The following RAPGEF4 variants were observed in gnomAD, a reference collection of about 807,000 sequenced individuals.
The protein encoded by RAPGEF4 is Rap guanine nucleotide exchange factor 4.
Under a neutral mutation model 147.9 loss-of-function variants are expected in RAPGEF4, and 66 were observed. The ratio of observed to expected loss-of-function variants is 0.45; its 90% CI spans 0.37 to 0.55. The LOEUF (loss-of-function observed/expected upper bound fraction) is 0.55, where lower values mean the gene tolerates loss of function less well. Among genes scored for constraint, RAPGEF4 ranks in the 20% least tolerant of loss-of-function variants. RAPGEF4 has a pLI of 0.00. For missense variants in RAPGEF4, 1,071 were observed against 1,257.3 expected, an observed-to-expected ratio of 0.85 and a Z score of 2.24; for synonymous variants, 419 against 442.7, an observed-to-expected ratio of 0.95 and a Z score of 0.67.
At chr2:172,886,856 T>C (rs1356181931) in intron 4 of RAPGEF4, among the ~76,000 whole-genome samples, 1 of 152,196 alleles carries the variant, frequency 6.6e-6, no homozygotes. Context: ...AGATTCTCAC[T>C]TCCACTTTTA....
At chr2:172,737,958 G>T (rs1461087499) in intron 1 of RAPGEF4, among the ~76,000 whole-genome samples, 1 of 152,154 alleles carries the variant, frequency 6.6e-6, no homozygotes, top group Admixed American at 6.5e-5. Flanking sequence ...TTTGTTTTGT[G>T]GTATTAAAAG....
chr2:172,863,321 A>G (rs1694238459), intron 4 of RAPGEF4, among the ~76,000 whole-genome samples: 1 of 152,192 alleles, frequency 6.6e-6, no homozygotes, highest in Non-Finnish European at 1.5e-5. Flanking sequence ...TCAATGATAA[A>G]CCAATAATAT....
intron 6 of RAPGEF4, among the ~76,000 whole-genome samples, chr2:172,939,936 G>A (rs1172211849): frequency 6.6e-6 from 1 of 152,112 alleles, no homozygotes; most frequent in Non-Finnish European, 1.5e-5. Context: ...AGTTGACTAT[G>A]TTTATGTGGG....
In RAPGEF4 at chr2:172,946,483, T is replaced by C. The variant is rs1687688267; in HGVS notation, c.538-14277T>C. Among the ~76,000 whole-genome samples the C allele has an allele frequency of 2.0e-5, 3 of 152,330 alleles. No homozygotes were observed. In the South Asian group the frequency reaches 6.2e-4, roughly 32 times the overall value. On this transcript the variant is annotated intron_variant, in intron 6 of 30. Coordinates refer to ENST00000397081, the MANE Select transcript of RAPGEF4 (RefSeq NM_007023.4). ...AATGGTGAATTTTTATCATCACATA[T>C]ACTGTCTTCCTACACTTTCTCTCAC...
At chr2:172,958,755 A>C (rs193288832) in intron 6 of RAPGEF4, among the ~76,000 whole-genome samples, 2 of 152,238 alleles carry the variant, frequency 1.3e-5, no homozygotes, top group African/African-American at 2.4e-5. Context: ...GAGGTGATGA[A>C]AATGTTTAAA....
intron 3 of RAPGEF4, among the ~76,000 whole-genome samples, chr2:172,803,409 C>T (rs1295875788): frequency 4.6e-5 from 7 of 152,172 alleles, no homozygotes; most frequent in Non-Finnish European, 8.8e-5. Context: ...AGCCATGGCC[C>T]GAGCTGTACC....
intron 1 of RAPGEF4, among the ~76,000 whole-genome samples, chr2:172,786,491 A>T (rs1685212833): frequency 6.6e-6 from 1 of 152,176 alleles, no homozygotes; most frequent in Non-Finnish European, 1.5e-5. Context: ...TCATGAAAGG[A>T]TGTGTTCGGT....
At position 172,939,585 on chromosome 2, in the gene RAPGEF4, T is replaced by C. The variant is rs141003541; in HGVS notation, c.537+17285T>C. ...GTCCAGTCTGTGGTTTTGCTTTTCA[T>C]CTTAACAGTGTCCTTAGTAGAGAAG... On this transcript the variant is annotated intron_variant, in intron 6 of 30. Transcript: ENST00000397081. Among the ~76,000 whole-genome samples the C allele has an allele frequency of 1.7e-4, 26 of 152,314 alleles. No homozygotes were observed. The East Asian group carries it at 4.4e-3, about 26-fold the overall frequency.
At chr2:173,021,135 C>T (rs2105921440) in intron 23 of RAPGEF4, among the ~76,000 whole-genome samples, 1 of 152,306 alleles carries the variant, frequency 6.6e-6, no homozygotes, top group Middle Eastern at 3.4e-3. Context: ...AAAGCACTTT[C>T]TCTACCTTAT....
Position 173,051,821 on chromosome 2 carries a change from A to G in RAPGEF4, c.*54A>G. 1 of 1,592,184 alleles carries G rather than the reference A, an allele frequency of 6.3e-7. No homozygotes were observed. Among genetic ancestry groups the G allele is most frequent in the East Asian group, 2.2e-5 (1 of 44,606 alleles). The stretch of plus-strand genomic sequence containing the variant: ...GTCTCCAGTCCACAATCTTTCAAAA[A>G]TGCCATTTATGCTACTACTGACTGT... On this transcript the variant is annotated 3_prime_UTR_variant, in exon 31 of 31. Coordinates refer to ENST00000397081, the MANE Select transcript of RAPGEF4 (RefSeq NM_007023.4).
intron 4 of RAPGEF4, among the ~76,000 whole-genome samples, chr2:172,838,541 A>G (rs373965949): frequency 4.6e-5 from 7 of 152,314 alleles, no homozygotes; most frequent in African/African-American, 1.7e-4. Flanking sequence ...TAGAAAGTTA[A>G]TATCTCAAAT....
chr2:172,825,405 A>G (rs73028430), intron 4 of RAPGEF4, among the ~76,000 whole-genome samples: 2,613 of 152,344 alleles, frequency 0.017, 77 homozygotes, highest in African/African-American at 0.06. Context: ...GAACAATTCT[A>G]AGTTGACCCA....
chr2:172,885,811 G>A (rs890332093), intron 4 of RAPGEF4, among the ~76,000 whole-genome samples: 1 of 152,092 alleles, frequency 6.6e-6, no homozygotes, highest in Non-Finnish European at 1.5e-5. Context: ...CACCCTGCTT[G>A]GCATCTTGCC....
intron 4 of RAPGEF4, among the ~76,000 whole-genome samples, chr2:172,879,625 A>G (rs115951290): frequency 0.01 from 1,567 of 152,164 alleles, 20 homozygotes; most frequent in African/African-American, 0.035. Context: ...ACATGGCAAG[A>G]CCCCGTCTCT....
At chr2:172,782,382 T>G (rs979299608) in intron 1 of RAPGEF4, among the ~76,000 whole-genome samples, 2 of 152,200 alleles carry the variant, frequency 1.3e-5, no homozygotes, top group Non-Finnish European at 2.9e-5. Context: ...ATGCTCAGTG[T>G]GCTTCCTTTT....
chr2:172,936,233 C>A (rs745605925), intron 6 of RAPGEF4, among the ~76,000 whole-genome samples: 1 of 152,000 alleles, frequency 6.6e-6, no homozygotes, highest in Non-Finnish European at 1.5e-5. Context: ...CCGGGCATGG[C>A]GTGTGTGCCT....
chr2:173,028,367 A>G (rs1696855694), intron 25 of RAPGEF4, among the ~76,000 whole-genome samples: 2 of 152,204 alleles, frequency 1.3e-5, no homozygotes, highest in Non-Finnish European at 2.9e-5. Flanking sequence ...GGAAACTATG[A>G]CAAGATGTGC....
chr2:172,930,965 G>T (rs1022674895), intron 6 of RAPGEF4, among the ~76,000 whole-genome samples: 2 of 152,104 alleles, frequency 1.3e-5, no homozygotes, highest in African/African-American at 4.8e-5. Flanking sequence ...TGTCTCCAAA[G>T]ACATTAGTAT....
intron 12 of RAPGEF4, among the ~76,000 whole-genome samples, chr2:172,987,028 A>G (rs1025070459): frequency 1.3e-5 from 2 of 152,188 alleles, no homozygotes; most frequent in Non-Finnish European, 2.9e-5. Context: ...ATTAAATTAT[A>G]CACGCTGGGT....
Sources: gnomAD v4.1 joint callset for allele counts (sites outside exome capture counted in the v4.1 genomes callset) on GRCh38, gnomAD v4.1.1 for gene constraint, MANE v1.5 for transcripts, NCBI Gene and HGNC (gene_info 2026-07-23, HGNC 2026-07-21) for gene names.